The following AAK1 variants were observed in gnomAD, a reference collection of about 807,000 sequenced individuals.
AAK1 encodes AP2-associated protein kinase 1.
AAK1 carries 37 observed loss-of-function variants against 116.0 expected under a neutral mutation model. That is an observed-to-expected ratio of 0.32 (90% confidence interval 0.25 to 0.42). The LOEUF (loss-of-function observed/expected upper bound fraction) is 0.42. Ranked by LOEUF, AAK1 falls within the 10% of genes least tolerant of loss-of-function variation. The pLI is 1.00. For synonymous variants in AAK1, 458 were observed against 439.9 expected (o/e 1.04, Z -0.51); for missense variants, 919 against 1,170.6 (o/e 0.79, Z 3.14).
intron 2 of AAK1, among the ~76,000 whole-genome samples, chr2:69,602,284 AT>A (rs1310224268): frequency 1.2e-4 from 18 of 152,214 alleles, no homozygotes; most frequent in African/African-American, 4.3e-4. Flanking sequence ...GACTGGGACA[AT>A]TAGTAAAATC....
intron 2 of AAK1, among the ~76,000 whole-genome samples, chr2:69,589,145 G>T (rs1039651493): frequency 1.3e-5 from 2 of 152,210 alleles, no homozygotes; most frequent in African/African-American, 4.8e-5. Context: ...CAGAGATGTG[G>T]CCGACTGGAG....
At position 69,467,377 on chromosome 2, in the gene AAK1, A is replaced by C; in HGVS notation, c.*8492T>G. The C allele has an allele frequency of 1.0e-6, 1 of 985,446 alleles. No individual in the cohort carries two copies. Among genetic ancestry groups the C allele is most frequent in the Non-Finnish European group, 1.2e-6 (1 of 829,930 alleles). The allele number at this position is 985,446 out of a possible 1,614,324, so 61.0% of individuals were successfully genotyped here. On this transcript the variant is annotated 3_prime_UTR_variant, in exon 22 of 22. Transcript: ENST00000409085. Reference sequence around the variant, plus strand: ...GTGCCTCAGGGTGCTCTGGCTTTTAAAATCAAATAGACAATTATCAGAATG... The same window carrying C: ...GTGCCTCAGGGTGCTCTGGCTTTTACAATCAAATAGACAATTATCAGAATG...
At chr2:69,617,597 A>G (rs79080445) in intron 2 of AAK1, among the ~76,000 whole-genome samples, 1,584 of 152,336 alleles carry the variant, frequency 0.01, 21 homozygotes, top group African/African-American at 0.034. Flanking sequence ...AACAGCTTAG[A>G]AGACTGATAA....
rs1014368533 is a variant in AAK1 at position 69,468,026 on chromosome 2, T to C, written c.*7843A>G. Reference sequence around the variant, plus strand: ...TTATTTTCCTTTCTAACAGTTTGAATGCGTTCAGTGAATTCCAGATTGGGG... The same window carrying C: ...TTATTTTCCTTTCTAACAGTTTGAACGCGTTCAGTGAATTCCAGATTGGGG... On this transcript the variant is annotated 3_prime_UTR_variant, in exon 22 of 22. Coordinates refer to ENST00000409085, the MANE Select transcript of AAK1 (RefSeq NM_014911.5). The C allele has an allele frequency of 2.3e-5, 23 of 985,360 alleles. No individual in the cohort carries two copies. The highest frequency in any genetic ancestry group is 9.4e-5 in the South Asian group (2 of 21,296). The allele number at this position is 985,360 out of a possible 1,614,324, so 61.0% of individuals were successfully genotyped here. A position where few individuals can be genotyped will look rare whatever the true frequency, so the allele number is the denominator to read the frequency against.
chr2:69,531,630 C>T, intron 6 of AAK1: 1 of 990,980 alleles, frequency 1.0e-6, no homozygotes, highest in Non-Finnish European at 1.2e-6. Context: ...GCCTTATGAG[C>T]AGGAAGAAAG....
rs1674771503 is a variant in AAK1 at position 69,474,213 on chromosome 2, G to A, written c.*1656C>T. ...TTTCCCCCATAAAGTGCAAATGTGA[G>A]GAAGAAGAAACAAAAGTACTAGATA... is the stretch of plus-strand genomic sequence containing the variant. On this transcript the variant is annotated 3_prime_UTR_variant, in exon 22 of 22. Coordinates refer to ENST00000409085, the MANE Select transcript of AAK1 (RefSeq NM_014911.5). The A allele has an allele frequency of 4.1e-6, 4 of 985,786 alleles. No individual in the cohort carries two copies. Among genetic ancestry groups the A allele is most frequent in the South Asian group, 4.7e-5 (1 of 21,286 alleles). 61.1% of individuals were successfully genotyped at this position (985,786 alleles called of 1,614,324 possible).
At chr2:69,640,047 A>ACCCTCTCTCTCTCT (rs1675638078) in intron 2 of AAK1, among the ~76,000 whole-genome samples, 1 of 135,522 alleles carries the variant, frequency 7.4e-6, no homozygotes, top group East Asian at 2.2e-4. Flanking sequence ...ACACACACAC[A>ACCCTCTCTCTCTCT]CACACACTCT....
chr2:69,510,266 T>G (rs140475299), intron 13 of AAK1, among the ~76,000 whole-genome samples: 189 of 152,318 alleles, frequency 1.2e-3, no homozygotes, highest in South Asian at 7.5e-3. Flanking sequence ...GTTCTCATCA[T>G]GTAGCTCTCA....
rs573451320 is a variant in AAK1, at chr2:69,474,316, A to G, written c.*1553T>C. On this transcript the variant is annotated 3_prime_UTR_variant, in exon 22 of 22. Coordinates refer to ENST00000409085, the MANE Select transcript of AAK1 (RefSeq NM_014911.5). Reference sequence around the variant, plus strand: ...AGAGTTTCCCTTTTGATGATGGACAATGGCACTAGAGGAAAAGAACAGGAG... The same window carrying G: ...AGAGTTTCCCTTTTGATGATGGACAGTGGCACTAGAGGAAAAGAACAGGAG... The G allele has an allele frequency of 2.0e-5, 20 of 985,874 alleles. No individual in the cohort carries two copies. Among genetic ancestry groups the G allele is most frequent in the Non-Finnish European group, 2.4e-5 (20 of 829,938 alleles). 61.1% of individuals were successfully genotyped at this position (985,874 alleles called of 1,614,324 possible).
chr2:69,487,046 A>G (rs1457492735), intron 17 of AAK1, among the ~76,000 whole-genome samples: 2 of 152,230 alleles, frequency 1.3e-5, no homozygotes, highest in Non-Finnish European at 2.9e-5. Context: ...AGCAAGCAAG[A>G]GAGCTAGCTG....
rs770886739 is a variant in AAK1, at chr2:69,468,946, A to C, written c.*6923T>G. 7 of 985,348 alleles carry C rather than the reference A, an allele frequency of 7.1e-6. No homozygotes were observed. The highest frequency in any genetic ancestry group is 8.4e-6 in the Non-Finnish European group (7 of 829,940). 61.0% of individuals were successfully genotyped at this position (985,348 alleles called of 1,614,324 possible). Reference sequence around the variant, plus strand: ...GATGAGTACTGGGAAAATCAGACTTAAAATTCCAACAACTTTGAATAATTT... The same window carrying C: ...GATGAGTACTGGGAAAATCAGACTTCAAATTCCAACAACTTTGAATAATTT... On this transcript the variant is annotated 3_prime_UTR_variant, in exon 22 of 22. Transcript: ENST00000409085.
Position 69,587,477 on chromosome 2 carries a change from A to ATT in AAK1, c.164-30501_164-30500dup, listed in dbSNP as rs1235173550. Among the ~76,000 whole-genome samples, 1,301 of 145,688 alleles carry ATT rather than the reference A, an allele frequency of 8.9e-3. 20 individuals carry two copies. Among genetic ancestry groups the ATT allele is most frequent in the African/African-American group, 0.012 (467 of 37,692 alleles). Reference sequence around the variant, plus strand: ...TATGTGTGTGTATATATATATATATATTTTTTTGATGTCGTTTCGCTCTTG... The same window carrying ATT: ...TATGTGTGTGTATATATATATATATATTTTTTTTTGATGTCGTTTCGCTCTTG... On this transcript the variant is annotated intron_variant, in intron 2 of 21. Transcript: ENST00000409085.
intron 17 of AAK1, among the ~76,000 whole-genome samples, chr2:69,494,223 G>T (rs1426272820): frequency 1.3e-5 from 2 of 152,262 alleles, no homozygotes; most frequent in East Asian, 3.9e-4. Context: ...ATTTCAGCAG[G>T]AATCCACCAG....
chr2:69,467,989 T>A lies in AAK1; in HGVS notation c.*7880A>T, dbSNP rs1194033381. On this transcript the variant is annotated 3_prime_UTR_variant, in exon 22 of 22. Transcript: ENST00000409085. ...TTCAGAAACAGAACAAAAATGTGTTTGTCCTCCATTTTTATTTTCCTTTCT... is the reference window on the plus strand; with the variant it reads ...TTCAGAAACAGAACAAAAATGTGTTAGTCCTCCATTTTTATTTTCCTTTCT... The A allele has an allele frequency of 2.0e-6, 2 of 985,334 alleles. No individual in the cohort carries two copies. Among genetic ancestry groups the A allele is most frequent in the Non-Finnish European group, 2.4e-6 (2 of 829,914 alleles). The allele number at this position is 985,334 out of a possible 1,614,324, so 61.0% of individuals were successfully genotyped here.
intron 5 of AAK1, among the ~76,000 whole-genome samples, chr2:69,540,472 C>T (rs1213324858): frequency 6.6e-6 from 1 of 152,182 alleles, no homozygotes; most frequent in African/African-American, 2.4e-5. Flanking sequence ...CGCAGAGGTA[C>T]ACTACAGAAA....
chr2:69,485,690 G>A (rs10174464), intron 17 of AAK1, among the ~76,000 whole-genome samples: 14 of 148,414 alleles, frequency 9.4e-5, no homozygotes, highest in African/African-American at 2.5e-4. Flanking sequence ...TGGGAGTTTC[G>A]CTCTTGTCGC....
intron 3 of AAK1, among the ~76,000 whole-genome samples, chr2:69,546,045 T>C (rs1670911623): frequency 6.6e-6 from 1 of 151,108 alleles, no homozygotes; most frequent in Non-Finnish European, 1.5e-5. Flanking sequence ...AAAAGTCCTA[T>C]AAGTAGAAGG....
chr2:69,591,225 G>T (rs1043826268), intron 2 of AAK1, among the ~76,000 whole-genome samples: 2 of 152,164 alleles, frequency 1.3e-5, no homozygotes, highest in Admixed American at 1.3e-4. Context: ...GGTCACAACA[G>T]CAAAGAAGAA....
chr2:69,507,411 GC>G lies in AAK1; in HGVS notation c.2164+9del. On this transcript the variant is annotated intron_variant, in intron 15 of 21. Transcript: ENST00000409085. Reference sequence around the variant, plus strand: ...ATCAAGAAGCACAAAAAAAGACACAGCTTACTCACCTTCCCCAAGCTTGGCA... The same window carrying G: ...ATCAAGAAGCACAAAAAAAGACACAGTTACTCACCTTCCCCAAGCTTGGCA... The G allele has an allele frequency of 6.2e-7, 1 of 1,610,372 alleles. No individual in the cohort carries two copies. Among genetic ancestry groups the G allele is most frequent in the South Asian group, 1.1e-5 (1 of 90,128 alleles).
Sources: allele counts gnomAD v4.1 joint callset (sites outside exome capture counted in the v4.1 genomes callset), GRCh38; gene constraint gnomAD v4.1.1; transcripts MANE v1.5; gene names NCBI Gene and HGNC (gene_info 2026-07-23, HGNC 2026-07-21).